GDA: variants seen among roughly 807,000 people sequenced by gnomAD.
GDA encodes cytoplasmic PSD-95 interactor.
Under a neutral mutation model 59.6 loss-of-function variants are expected in GDA, and 18 were observed. The ratio of observed to expected loss-of-function variants is 0.30; its 90% CI spans 0.21 to 0.45. GDA has a LOEUF of 0.45. GDA is among the 20% of genes least tolerant of loss of function. The pLI is 1.00. For missense variants in GDA, 427 were observed against 552.3 expected (o/e 0.77, Z 2.27); for synonymous variants, 201 against 201.1 (o/e 1.00, Z 0.00).
At chr9:72,174,258 A>G (rs1830305143) in intron 1 of GDA, among the ~76,000 whole-genome samples, 1 of 152,180 alleles carries the variant, frequency 6.6e-6, no homozygotes, top group Non-Finnish European at 1.5e-5. Context: ...ACCCTTGGGG[A>G]TTTTGCTGTC....
intron 1 of GDA, among the ~76,000 whole-genome samples, chr9:72,141,539 A>G (rs1049979839): frequency 3.3e-5 from 5 of 152,148 alleles, no homozygotes; most frequent in Admixed American, 3.3e-4. Flanking sequence ...ATTTACACCT[A>G]TCTAAAGAGG....
intron 1 of GDA, among the ~76,000 whole-genome samples, chr9:72,152,258 G>A (rs1827305018): frequency 6.6e-6 from 1 of 152,174 alleles, no homozygotes; most frequent in Non-Finnish European, 1.5e-5. Context: ...TGTCCTTCTG[G>A]TCTCGCTTTT....
At chr9:72,145,124 G>A (rs1826580559), upstream of GDA, among the ~76,000 whole-genome samples, 1 of 152,038 alleles carries the variant, frequency 6.6e-6, no homozygotes. Flanking sequence ...ATTTTCGATA[G>A]CCCATTCTAC....
intron 7 of GDA, 150 bp downstream of exon 7, chr9:72,223,377 G>C (rs1386555703): frequency 1.8e-6 from 1 of 567,198 alleles, no homozygotes; most frequent in African/African-American, 1.9e-5. Context: ...TAACAGGAGA[G>C]AAAGGACCCC....
intron 10 of GDA, among the ~76,000 whole-genome samples, chr9:72,238,383 T>C (rs919854902): frequency 6.6e-6 from 1 of 152,214 alleles, no homozygotes; most frequent in African/African-American, 2.4e-5. Flanking sequence ...TTCATCTCCA[T>C]TTTCTTTATC....
chr9:72,174,018 C>A (rs941203230), intron 1 of GDA, among the ~76,000 whole-genome samples: 24 of 152,320 alleles, frequency 1.6e-4, no homozygotes, highest in Admixed American at 1.4e-3. Context: ...AAGCTCTCCT[C>A]CCAACTTACC....
intron 1 of GDA, among the ~76,000 whole-genome samples, chr9:72,152,812 A>G (rs1454121858): frequency 2.8e-4 from 42 of 152,220 alleles, no homozygotes; most frequent in African/African-American, 9.6e-4. Context: ...CCATTTGTCA[A>G]TTTTGGCTTT....
intron 1 of GDA, among the ~76,000 whole-genome samples, chr9:72,173,945 A>G (rs1256448899): frequency 1.3e-5 from 2 of 151,848 alleles, no homozygotes; most frequent in Admixed American, 6.6e-5. Flanking sequence ...TCCTCTCTAC[A>G]CTGGTTGATG....
chr9:72,246,623 G>A (rs778761679), intron 12 of GDA, among the ~76,000 whole-genome samples: 12 of 152,074 alleles, frequency 7.9e-5, no homozygotes, highest in Non-Finnish European at 1.8e-4. Flanking sequence ...AACTTAGCAA[G>A]GCCTGCTTGT....
intron 1 of GDA, among the ~76,000 whole-genome samples, chr9:72,116,327 C>T (rs1239695702): frequency 2.6e-5 from 4 of 151,642 alleles, no homozygotes; most frequent in Non-Finnish European, 5.9e-5. Context: ...CCTTACAATG[C>T]CTACTGACCA....
chr9:72,181,273 C>T (rs1222887580), intron 1 of GDA, among the ~76,000 whole-genome samples: 1 of 152,136 alleles, frequency 6.6e-6, no homozygotes, highest in Admixed American at 6.5e-5. Context: ...TATCCGTTCC[C>T]TTCCCTTATC....
intron 2 of GDA, among the ~76,000 whole-genome samples, chr9:72,199,729 C>G (rs184825853): frequency 4.1e-4 from 63 of 152,248 alleles, no homozygotes; most frequent in Admixed American, 4.1e-3. Context: ...GCATTTTTGA[C>G]CCTTGCAGTT....
chr9:72,212,493 AG>A (rs1835508517), intron 4 of GDA, among the ~76,000 whole-genome samples: 1 of 151,972 alleles, frequency 6.6e-6, no homozygotes, highest in South Asian at 2.1e-4. Flanking sequence ...AAAAAAAAAA[AG>A]AATAGTAGCA....
chr9:72,194,802 C>T (rs112503132), intron 1 of GDA, among the ~76,000 whole-genome samples: 8 of 152,180 alleles, frequency 5.3e-5, no homozygotes, highest in African/African-American at 1.9e-4. Flanking sequence ...AAACTCAAGT[C>T]CCAACTGCTG....
chr9:72,178,563 A>T (rs1056535671), intron 1 of GDA, among the ~76,000 whole-genome samples: 4 of 152,040 alleles, frequency 2.6e-5, no homozygotes, highest in African/African-American at 9.7e-5. Context: ...GATTACAGGC[A>T]TGTATCACCA....
chr9:72,239,714 T>A (rs912396440), intron 10 of GDA, among the ~76,000 whole-genome samples: 2 of 152,166 alleles, frequency 1.3e-5, no homozygotes, highest in African/African-American at 4.8e-5. Flanking sequence ...GTTTTCTTAG[T>A]ATTTGTTTTC....
chr9:72,189,631 A>C (rs1203614961), intron 1 of GDA, among the ~76,000 whole-genome samples: 1 of 152,196 alleles, frequency 6.6e-6, no homozygotes, highest in Admixed American at 6.5e-5. Context: ...AGTTGAGCTC[A>C]GGAGTTCGAT....
chr9:72,245,871 A>G (rs1054982897), intron 12 of GDA, among the ~76,000 whole-genome samples: 3 of 152,232 alleles, frequency 2.0e-5, no homozygotes, highest in African/African-American at 7.2e-5. Flanking sequence ...AAAATAAACT[A>G]GTTCATCTTA....
chr9:72,135,653 G>A (rs1020264886), intron 1 of GDA, among the ~76,000 whole-genome samples: 47 of 152,204 alleles, frequency 3.1e-4, no homozygotes, highest in African/African-American at 9.1e-4. Context: ...TAGTTGGCCT[G>A]GCGCGGTGAC....
Sources: gnomAD v4.1 joint callset for allele counts (sites outside exome capture counted in the v4.1 genomes callset) on GRCh38, gnomAD v4.1.1 for gene constraint, MANE v1.5 for transcripts, NCBI Gene and HGNC (gene_info 2026-07-23, HGNC 2026-07-21) for gene names.